Variants in CENPW observed in about 807,000 individuals in gnomAD.
The protein encoded by CENPW is cancer-up-regulated gene 2 protein.
CENPW carries 3 observed loss-of-function variants against 11.1 expected under a neutral mutation model. That is an observed-to-expected ratio of 0.27 (90% CI 0.12 to 0.70). The LOEUF is 0.70. Ranked by LOEUF, CENPW falls within the 30% of genes least tolerant of loss-of-function variation. CENPW has a pLI of 0.77. For missense variants in CENPW, 100 were observed against 105.6 expected, an observed-to-expected ratio of 0.95 and a Z score of 0.23; for synonymous variants, 38 against 42.0, an observed-to-expected ratio of 0.91 and a Z score of 0.37.
chr6:126,465,690 AAT>A, the CENPW span, among the ~76,000 whole-genome samples: 4 of 152,130 alleles, frequency 2.6e-5, no homozygotes, highest in African/African-American at 4.8e-5. Flanking sequence ...TGAAAAAAAT[AAT>A]GGAATCCAGA....
chr6:126,363,737 A>T, the CENPW span, among the ~76,000 whole-genome samples: 4 of 152,172 alleles, frequency 2.6e-5, no homozygotes, highest in Non-Finnish European at 5.9e-5. Flanking sequence ...TAAGTATTTA[A>T]ACTCATCTAA....
At chr6:126,346,183 A>G (rs755932647) in intron 1 of CENPW, 22 bp from the exon 2 acceptor site, 2 of 1,436,716 alleles carry the variant, frequency 1.4e-6, no homozygotes, top group Non-Finnish European at 9.6e-7. Context: ...TTAAAAATCC[A>G]CTTGGATTTT....
chr6:126,415,861 G>A, the CENPW span, among the ~76,000 whole-genome samples: 5 of 152,294 alleles, frequency 3.3e-5, no homozygotes, highest in African/African-American at 1.2e-4. Context: ...CCCAGTCCCA[G>A]TTATGTCTTT....
chr6:126,421,216 T>C, the CENPW span, among the ~76,000 whole-genome samples: 5 of 152,184 alleles, frequency 3.3e-5, no homozygotes, highest in Non-Finnish European at 5.9e-5. Flanking sequence ...CTGTAGTATA[T>C]TGATGATTTA....
the CENPW span, among the ~76,000 whole-genome samples, chr6:126,355,212 A>T: frequency 6.6e-6 from 1 of 152,162 alleles, no homozygotes; most frequent in Non-Finnish European, 1.5e-5. Context: ...CTTGTTAATC[A>T]TTCCTAAGCA....
chr6:126,405,907 AT>A, the CENPW span, among the ~76,000 whole-genome samples: 7 of 151,634 alleles, frequency 4.6e-5, no homozygotes, highest in South Asian at 1.5e-3. Flanking sequence ...GGGTCTTTAG[AT>A]TTTTCCATAT....
chr6:126,367,459 G>C, the CENPW span, among the ~76,000 whole-genome samples: 1 of 151,760 alleles, frequency 6.6e-6, no homozygotes, highest in African/African-American at 2.4e-5. Context: ...TTGGCACCAA[G>C]TTTAGACATG....
the CENPW span, among the ~76,000 whole-genome samples, chr6:126,423,152 G>A: frequency 1.3e-5 from 2 of 151,898 alleles, no homozygotes; most frequent in African/African-American, 2.4e-5. Context: ...ACATCTAGTG[G>A]CTGTAGAATT....
downstream of CENPW, among the ~76,000 whole-genome samples, chr6:126,353,616 G>C (rs112147181): frequency 2.4e-3 from 369 of 151,938 alleles, 1 homozygote; most frequent in Non-Finnish European, 3.2e-3. Flanking sequence ...TGATACCATA[G>C]GATGGTGTTT....
intron 1 of CENPW, among the ~76,000 whole-genome samples, chr6:126,344,349 C>CA (rs1780368365): frequency 6.6e-6 from 1 of 152,090 alleles, no homozygotes; most frequent in Non-Finnish European, 1.5e-5. Context: ...TTTGAATTCT[C>CA]AGAGAAATTC....
At chr6:126,418,498 A>AG in the CENPW span, among the ~76,000 whole-genome samples, 1 of 152,174 alleles carries the variant, frequency 6.6e-6, no homozygotes, top group Non-Finnish European at 1.5e-5. Context: ...TGGGAGAGAA[A>AG]GGGGTAAATG....
At chr6:126,381,344 C>T in the CENPW span, among the ~76,000 whole-genome samples, 1 of 152,146 alleles carries the variant, frequency 6.6e-6, no homozygotes, top group Non-Finnish European at 1.5e-5. Context: ...CCTTGGGCCT[C>T]ACATTTCTTT....
the CENPW span, among the ~76,000 whole-genome samples, chr6:126,419,060 C>T: frequency 1.3e-5 from 2 of 151,580 alleles, no homozygotes; most frequent in Non-Finnish European, 2.9e-5. Context: ...TGCACATGTA[C>T]CCTAGAACTT....
chr6:126,447,111 C>T, the CENPW span, among the ~76,000 whole-genome samples: 1 of 151,030 alleles, frequency 6.6e-6, no homozygotes, highest in East Asian at 2.0e-4. Flanking sequence ...AACTCTCAAC[C>T]TTTTGTGTGC....
chr6:126,467,584 T>C, the CENPW span, among the ~76,000 whole-genome samples: 1 of 152,010 alleles, frequency 6.6e-6, no homozygotes, highest in African/African-American at 2.4e-5. Context: ...TGGATTATAA[T>C]GTAAATGTAA....
chr6:126,430,811 TGGG>T, the CENPW span, among the ~76,000 whole-genome samples: 1 of 151,750 alleles, frequency 6.6e-6, no homozygotes, highest in Non-Finnish European at 1.5e-5. Context: ...AGCCAGCTAC[TGGG>T]GAGGCTGAGG....
the CENPW span, among the ~76,000 whole-genome samples, chr6:126,440,579 T>C: frequency 6.6e-6 from 1 of 151,514 alleles, no homozygotes; most frequent in Non-Finnish European, 1.5e-5. Context: ...TATGCTAATA[T>C]ATAGAGAACA....
chr6:126,451,663 C>T, the CENPW span, among the ~76,000 whole-genome samples: 1 of 151,030 alleles, frequency 6.6e-6, no homozygotes, highest in East Asian at 2.0e-4. Context: ...GAGGCATGAC[C>T]TCCAAGATGG....
chr6:126,362,619 C>T, the CENPW span, among the ~76,000 whole-genome samples: 4 of 152,268 alleles, frequency 2.6e-5, no homozygotes, highest in Middle Eastern at 3.4e-3. Flanking sequence ...TATCTTGTCC[C>T]CCACCTTGAT....
Sources: gnomAD v4.1 joint callset for allele counts (sites outside exome capture counted in the v4.1 genomes callset) on GRCh38, gnomAD v4.1.1 for gene constraint, MANE v1.5 for transcripts, NCBI Gene and HGNC (gene_info 2026-07-23, HGNC 2026-07-21) for gene names.